Variants in GMPR observed in about 807,000 individuals in gnomAD.
GMPR encodes the protein GMP reductase 1.
Under a neutral mutation model 38.4 loss-of-function variants are expected in GMPR, and 31 were observed. That is an observed-to-expected ratio of 0.81 (90% CI 0.61 to 1.09). The LOEUF is 1.09. Ranked by LOEUF, GMPR falls within the 50% of genes least tolerant of loss-of-function variation. The probability of loss-of-function intolerance (pLI) is 0.00; values close to 1 mark genes in which losing one functional copy is unlikely to be tolerated. For synonymous variants in GMPR, 162 were observed against 173.3 expected (o/e 0.93, Z 0.51); for missense variants, 468 against 453.7 (o/e 1.03, Z -0.29).
intron 4 of GMPR, among the ~76,000 whole-genome samples, chr6:16,265,834 T>C (rs1670770470): frequency 6.6e-6 from 1 of 151,624 alleles, no homozygotes; most frequent in Admixed American, 6.8e-5. Flanking sequence ...ATGGAGGTTT[T>C]CTTCGTTCGC....
In GMPR at chr6:16,246,831, T is replaced by C. The variant is rs752328522; in HGVS notation, c.88-11T>C. 25 of 1,606,228 alleles carry C rather than the reference T, an allele frequency of 1.6e-5. 1 individual carries two copies. In the South Asian group the frequency reaches 2.7e-4, roughly 17 times the overall value. The stretch of plus-strand genomic sequence containing the variant: ...TCTTTCCCTTTTTCTTTCTTTTTTT[T>C]TGGCCAACAGGTGGATCTTGAACGC... On this transcript the variant is annotated splice_polypyrimidine_tract_variant and intron_variant, in intron 1 of 8. Coordinates refer to ENST00000259727, the MANE Select transcript of GMPR (RefSeq NM_006877.4).
chr6:16,267,487 C>G (rs1183594065), intron 4 of GMPR, among the ~76,000 whole-genome samples: 1 of 152,098 alleles, frequency 6.6e-6, no homozygotes, highest in African/African-American at 2.4e-5. Flanking sequence ...CTTTTAAGAG[C>G]TGTAACACTC....
At chr6:16,247,668 C>T (rs1253098298) in intron 2 of GMPR, among the ~76,000 whole-genome samples, 1 of 152,162 alleles carries the variant, frequency 6.6e-6, no homozygotes, top group African/African-American at 2.4e-5. Context: ...AGTTACCATG[C>T]CCGGCCTGTA....
At chr6:16,280,228 G>C (rs1759551718) in intron 6 of GMPR, among the ~76,000 whole-genome samples, 1 of 152,200 alleles carries the variant, frequency 6.6e-6, no homozygotes, top group Non-Finnish European at 1.5e-5. Flanking sequence ...TTCATAGTTG[G>C]AGACCTGGCA....
rs773382464 is a variant in GMPR, at chr6:16,274,472, A to G, written c.523A>G (p.Ile175Val). The part of the protein sequence containing the change: ...VEELILSGAD[I>V]IKVGVGPGSV... ...AGAGCTTATTCTTTCCGGAGCAGAT[A>G]TCATCAAAGTGGGAGTTGGACCAGG... The change falls in exon 5 of 9, where the codon ATC (isoleucine) becomes GTC (valine). Residue 175 changes from isoleucine to valine, a missense_variant. Transcript: ENST00000259727. 1 of 1,607,644 alleles carries G rather than the reference A, an allele frequency of 6.2e-7. No homozygotes were observed. Among genetic ancestry groups the G allele is most frequent in the South Asian group, 1.1e-5 (1 of 90,950 alleles).
intron 6 of GMPR, among the ~76,000 whole-genome samples, chr6:16,285,023 AAAAAAAAAAC>A (rs1294574784): frequency 3.1e-5 from 4 of 131,024 alleles, no homozygotes; most frequent in African/African-American, 6.4e-5. Context: ...GTCTCAAAAA[AAAAAAAAAAC>A]AAAAAAAAAA....
intron 4 of GMPR, among the ~76,000 whole-genome samples, chr6:16,272,512 A>G (rs1759404376): frequency 1.3e-5 from 2 of 152,242 alleles, no homozygotes; most frequent in African/African-American, 2.4e-5. Flanking sequence ...TGTTTTCTCT[A>G]CAGTATTTAC....
intron 4 of GMPR, among the ~76,000 whole-genome samples, chr6:16,267,005 C>T (rs941891093): frequency 6.6e-6 from 1 of 150,862 alleles, no homozygotes; most frequent in African/African-American, 2.4e-5. Flanking sequence ...ACTCTGGGTG[C>T]GCCACCTTTA....
intron 4 of GMPR, among the ~76,000 whole-genome samples, chr6:16,267,880 T>A (rs1289190161): frequency 6.6e-6 from 1 of 152,188 alleles, no homozygotes; most frequent in African/African-American, 2.4e-5. Context: ...CCGGGAGCCA[T>A]GGGCTGGATC....
At chr6:16,249,625 C>T (rs112241546) in intron 2 of GMPR, among the ~76,000 whole-genome samples, 4 of 152,288 alleles carry the variant, frequency 2.6e-5, no homozygotes, top group African/African-American at 9.6e-5. Flanking sequence ...GCCTGGGCAA[C>T]TTAAACTGCT....
Position 16,295,002 on chromosome 6 carries a change from C to T in GMPR, c.858-4C>T. 6.2e-7 allele frequency: 1 copy of T among 1,604,430 alleles called. No homozygotes were observed. The highest frequency in any genetic ancestry group is 8.5e-7 in the Non-Finnish European group (1 of 1,175,104). On this transcript the variant is annotated splice_polypyrimidine_tract_variant and splice_region_variant and intron_variant, in intron 8 of 8. Transcript: ENST00000259727. ...ATAAAAAGAAAACTTCTATCGTCTT[C>T]CAGAGCCTCTGAGGGTAAGACTGTG... is the stretch of plus-strand genomic sequence containing the variant.
intron 1 of GMPR, among the ~76,000 whole-genome samples, chr6:16,246,144 C>CT (rs2113668519): frequency 6.6e-6 from 1 of 152,254 alleles, no homozygotes; most frequent in Admixed American, 6.5e-5. Context: ...GTTCCTGGCT[C>CT]TATCTAGCAC....
rs1317124106 is a variant in GMPR, at chr6:16,282,026, G to T, written c.654+3136G>T. Reference sequence around the variant, plus strand: ...GGCACGTTTCTGTCACTTGCCAGTAGCCCTGAACCTGCTAGAAACCCACCA... The same window carrying T: ...GGCACGTTTCTGTCACTTGCCAGTATCCCTGAACCTGCTAGAAACCCACCA... On this transcript the variant is annotated intron_variant, in intron 6 of 8. Transcript: ENST00000259727. 1.4e-4 allele frequency among the ~76,000 whole-genome samples: 22 copies of T among 152,216 alleles called. 1 individual carries two copies. The highest frequency in any genetic ancestry group is 1.4e-3 in the Admixed American group (21 of 15,284).
intron 4 of GMPR, among the ~76,000 whole-genome samples, chr6:16,269,077 A>G (rs1350924207): frequency 1.3e-5 from 2 of 152,064 alleles, no homozygotes; most frequent in Non-Finnish European, 2.9e-5. Context: ...GTATTTGACC[A>G]CAATTACAAA....
intron 6 of GMPR, among the ~76,000 whole-genome samples, chr6:16,284,854 T>C (rs1294454664): frequency 6.6e-6 from 1 of 152,004 alleles, no homozygotes; most frequent in African/African-American, 2.4e-5. Context: ...ATCCCGTCTC[T>C]ACTAAAAGTA....
intron 4 of GMPR, chr6:16,262,510 C>T (rs925800403): frequency 7.9e-5 from 12 of 151,918 alleles, no homozygotes; most frequent in Admixed American, 2.0e-4. Context: ...GCGGTTCAGG[C>T]GTTTGGAAGT....
At chr6:16,249,668 G>T (rs1758829656) in intron 2 of GMPR, among the ~76,000 whole-genome samples, 2 of 152,218 alleles carry the variant, frequency 1.3e-5, no homozygotes, top group South Asian at 4.1e-4. Context: ...AGCTAATAAT[G>T]CTGTTCAAAG....
chr6:16,275,076 G>A (rs1759450307), intron 5 of GMPR, among the ~76,000 whole-genome samples: 1 of 152,180 alleles, frequency 6.6e-6, no homozygotes, highest in Non-Finnish European at 1.5e-5. Context: ...ACGAGGTAGA[G>A]CCTTCTGTCC....
At chr6:16,263,836 G>A (rs887604578) in intron 4 of GMPR, among the ~76,000 whole-genome samples, 3 of 150,678 alleles carry the variant, frequency 2.0e-5, no homozygotes, top group African/African-American at 4.9e-5. Context: ...ATAAGAGGTC[G>A]GGGCACAGAA....
Sources: allele counts gnomAD v4.1 joint callset (sites outside exome capture counted in the v4.1 genomes callset), GRCh38; gene constraint gnomAD v4.1.1; transcripts MANE v1.5; gene names NCBI Gene and HGNC (gene_info 2026-07-23, HGNC 2026-07-21).